The following DOK6 variants were observed in gnomAD, a reference collection of about 807,000 sequenced individuals.
The protein encoded by DOK6 is docking protein 6.
In DOK6, 22 loss-of-function variants were observed where a neutral mutation model predicts 44.0. The observed-to-expected ratio is 0.50, with a 90% CI of 0.36 to 0.71. The LOEUF (loss-of-function observed/expected upper bound fraction) is 0.71, where lower values mean the gene tolerates loss of function less well. Ranked by LOEUF, DOK6 falls within the 30% of genes least tolerant of loss-of-function variation. The pLI is 0.00. For missense variants in DOK6, 340 were observed against 416.4 expected, an observed-to-expected ratio of 0.82 and a Z score of 1.60; for synonymous variants, 166 against 145.5, an observed-to-expected ratio of 1.14 and a Z score of -1.01.
chr18:69,561,827 C>T (rs1982840390), intron 1 of DOK6, among the ~76,000 whole-genome samples: 2 of 152,142 alleles, frequency 1.3e-5, no homozygotes, highest in Admixed American at 1.3e-4. Context: ...GTGATTGTTG[C>T]AAGAATGCCT....
chr18:69,819,923 T>A (rs1981517920), intron 7 of DOK6, among the ~76,000 whole-genome samples: 1 of 152,138 alleles, frequency 6.6e-6, no homozygotes, highest in African/African-American at 2.4e-5. Flanking sequence ...ACACTAACGA[T>A]AACTGATGAG....
intron 7 of DOK6, among the ~76,000 whole-genome samples, chr18:69,777,528 G>T (rs923810425): frequency 1.3e-4 from 19 of 151,950 alleles, no homozygotes; most frequent in Non-Finnish European, 5.9e-5. Flanking sequence ...CCTGCAAAAT[G>T]ACAGCCATCC....
chr18:69,415,607 G>C (rs776839424), intron 1 of DOK6, among the ~76,000 whole-genome samples: 6 of 152,084 alleles, frequency 3.9e-5, no homozygotes, highest in Non-Finnish European at 7.4e-5. Context: ...GATACAGTGA[G>C]TGCATGCAGA....
At chr18:69,690,705 A>G (rs933440542) in intron 4 of DOK6, among the ~76,000 whole-genome samples, 1 of 152,214 alleles carries the variant, frequency 6.6e-6, no homozygotes, top group Non-Finnish European at 1.5e-5. Flanking sequence ...CCAAATTCAT[A>G]TGAAACTCAA....
At chr18:69,439,375 A>C (rs1979074820) in intron 1 of DOK6, among the ~76,000 whole-genome samples, 1 of 152,192 alleles carries the variant, frequency 6.6e-6, no homozygotes, top group Non-Finnish European at 1.5e-5. Context: ...TTAACCTCTA[A>C]CAGGAGAGCC....
At chr18:69,509,482 G>A (rs753985309) in intron 1 of DOK6, among the ~76,000 whole-genome samples, 4 of 151,662 alleles carry the variant, frequency 2.6e-5, no homozygotes, top group Admixed American at 1.3e-4. Flanking sequence ...CTAAAAAATA[G>A]AAAAAATTAG....
intron 7 of DOK6, among the ~76,000 whole-genome samples, chr18:69,834,932 G>T (rs1982001353): frequency 6.6e-6 from 1 of 152,138 alleles, no homozygotes; most frequent in African/African-American, 2.4e-5. Flanking sequence ...ATGGCGAAAG[G>T]GGAAGAGTCA....
At chr18:69,500,816 T>C (rs1981028209) in intron 1 of DOK6, among the ~76,000 whole-genome samples, 1 of 152,198 alleles carries the variant, frequency 6.6e-6, no homozygotes, top group Admixed American at 6.5e-5. Context: ...AATCATCATT[T>C]AGTATTTTAG....
At chr18:69,449,937 A>G (rs2122456140) in intron 1 of DOK6, among the ~76,000 whole-genome samples, 1 of 147,512 alleles carries the variant, frequency 6.8e-6, no homozygotes, top group Admixed American at 6.9e-5. Context: ...GACCAAAAGT[A>G]GGTAAAACCA....
At chr18:69,498,167 T>C (rs1980946304) in intron 1 of DOK6, among the ~76,000 whole-genome samples, 1 of 152,150 alleles carries the variant, frequency 6.6e-6, no homozygotes, top group Non-Finnish European at 1.5e-5. Flanking sequence ...AAATTCACTT[T>C]GGGAAAATTA....
At chr18:69,595,805 A>C (rs1599212171) in intron 2 of DOK6, among the ~76,000 whole-genome samples, 2 of 152,148 alleles carry the variant, frequency 1.3e-5, no homozygotes, top group Non-Finnish European at 2.9e-5. Flanking sequence ...ATCCATGCGT[A>C]GTTTTTTCAC....
chr18:69,783,299 A>G (rs1980331957), intron 7 of DOK6, among the ~76,000 whole-genome samples: 1 of 152,244 alleles, frequency 6.6e-6, no homozygotes, highest in Non-Finnish European at 1.5e-5. Context: ...GAATTGAGAT[A>G]TACTATAAGA....
In DOK6 at chr18:69,639,739, G is replaced by A. The variant is rs112986275; in HGVS notation, c.290-37995G>A. 6.3e-3 allele frequency among the ~76,000 whole-genome samples: 957 copies of A among 152,044 alleles called. 7 individuals carry two copies. The highest frequency in any genetic ancestry group is 0.013 in the Admixed American group (199 of 15,276). ...AGAAAGAGTGGGGAGGAAATAAGGGGAAAGGAAGACAGAAAGAAAGAGAAA... is the reference window on the plus strand; with the variant it reads ...AGAAAGAGTGGGGAGGAAATAAGGGAAAAGGAAGACAGAAAGAAAGAGAAA... On this transcript the variant is annotated intron_variant, in intron 3 of 7. Transcript: ENST00000382713.
chr18:69,441,529 C>T (rs960191543), intron 1 of DOK6, among the ~76,000 whole-genome samples: 3 of 152,054 alleles, frequency 2.0e-5, no homozygotes, highest in East Asian at 1.9e-4. Context: ...AAAGAAGAAC[C>T]TTCAAGTCTA....
At chr18:69,599,292 T>C (rs924435307) in intron 2 of DOK6, 92 bp from the exon 3 acceptor site, 3 of 904,708 alleles carry the variant, frequency 3.3e-6, no homozygotes, top group East Asian at 5.4e-5. Flanking sequence ...TGGAAATTCA[T>C]GTAAGACTGT....
At chr18:69,461,844 T>C (rs187253220) in intron 1 of DOK6, among the ~76,000 whole-genome samples, 48 of 152,320 alleles carry the variant, frequency 3.2e-4, no homozygotes, top group Admixed American at 2.5e-3. Context: ...TCTTTGATCC[T>C]CTCTTACCAT....
At chr18:69,520,852 A>G (rs1981665051) in intron 1 of DOK6, among the ~76,000 whole-genome samples, 1 of 151,896 alleles carries the variant, frequency 6.6e-6, no homozygotes, top group Non-Finnish European at 1.5e-5. Context: ...AATTCAATTC[A>G]GTTCCGTTCA....
At chr18:69,497,977 T>C (rs546645683) in intron 1 of DOK6, among the ~76,000 whole-genome samples, 1 of 146,640 alleles carries the variant, frequency 6.8e-6, no homozygotes, top group South Asian at 2.1e-4. Flanking sequence ...GCAACAGAGC[T>C]AGACCTTGTC....
chr18:69,492,302 C>A lies in DOK6; in HGVS notation c.67-72185C>A, dbSNP rs996100510. ...TAATGTGAGATGTCACCTTCTTAGA[C>A]AGCAAAGAACAATATTGCTTCTGCA... On this transcript the variant is annotated intron_variant, in intron 1 of 7. Coordinates refer to ENST00000382713, the MANE Select transcript of DOK6 (RefSeq NM_152721.6). Among the ~76,000 whole-genome samples, 4 of 152,126 alleles carry A rather than the reference C, an allele frequency of 2.6e-5. No homozygotes were observed. The South Asian group carries it at 6.2e-4, about 24-fold the overall frequency.
Sources: gnomAD v4.1 joint callset for allele counts (sites outside exome capture counted in the v4.1 genomes callset) on GRCh38, gnomAD v4.1.1 for gene constraint, MANE v1.5 for transcripts, NCBI Gene and HGNC (gene_info 2026-07-23, HGNC 2026-07-21) for gene names.